RAP1GAP: variants seen among roughly 807,000 people sequenced by gnomAD.
RAP1GAP encodes the protein rap1 GTPase-activating protein 1.
In RAP1GAP, 35 loss-of-function variants were observed where a neutral mutation model predicts 87.2. The observed-to-expected ratio is 0.40, with a 90% CI of 0.31 to 0.53. RAP1GAP has a LOEUF of 0.53. Ranked by LOEUF, RAP1GAP falls within the 20% of genes least tolerant of loss-of-function variation. The pLI is 0.48. For synonymous variants in RAP1GAP, 375 were observed against 363.9 expected, an observed-to-expected ratio of 1.03 and a Z score of -0.35; for missense variants, 734 against 898.9, an observed-to-expected ratio of 0.82 and a Z score of 2.35.
chr1:21,617,301 C>T lies in RAP1GAP; in HGVS notation c.291+5G>A, dbSNP rs1156608722. On this transcript the variant is annotated splice_donor_5th_base_variant and intron_variant, in intron 7 of 24. Transcript: ENST00000374765. ...CCAGCCCCGCTGCACCAGCCGGCCA[C>T]CCACCTTGCCGAGAAAGTGCTTCCG... The T allele has an allele frequency of 6.4e-7, 1 of 1,564,218 alleles. No homozygotes were observed. The highest frequency in any genetic ancestry group is 8.7e-7 in the Non-Finnish European group (1 of 1,153,658).
In RAP1GAP at chr1:21,628,032, G is replaced by A. The variant is rs567330436; in HGVS notation, c.-112-1635C>T. 2.0e-5 allele frequency among the ~76,000 whole-genome samples: 3 copies of A among 152,266 alleles called. No individual in the cohort carries two copies. The East Asian group carries it at 5.8e-4, about 29-fold the overall frequency. ...CATCGCAGAGCCTGGGCAGCTCATG[G>A]GAATTCACTCAATGAAAACTTTCAC... On this transcript the variant is annotated intron_variant, in intron 2 of 24. Coordinates refer to ENST00000374765, the MANE Select transcript of RAP1GAP (RefSeq NM_002885.4).
Position 21,601,741 on chromosome 1 carries a change from G to A in RAP1GAP, c.1595C>T (p.Pro532Leu). 6.2e-7 allele frequency: 1 copy of A among 1,612,114 alleles called. No homozygotes were observed. The highest frequency in any genetic ancestry group is 8.5e-7 in the Non-Finnish European group (1 of 1,178,736). The change falls in exon 20 of 25, where the codon CCC becomes CTC. Residue 532 changes from proline to leucine, a missense_variant. Pro to Leu is a moderately conservative substitution (Grantham distance 98). Around this residue, in one of 2 missense-constraint regions of RAP1GAP, gnomAD observed 249 missense variants for 252.7 expected, o/e 0.99. Coordinates refer to ENST00000374765, the MANE Select transcript of RAP1GAP (RefSeq NM_002885.4). ...TPDSGHVSQE[P>L]KSENSSTQSS... ...CTGAGTGGATGAGTTCTCCGACTTG[G>A]GCTCCTGTGAGACGTGCCCGCTGTC... is the stretch of plus-strand genomic sequence containing the variant.
Position 21,613,311 on chromosome 1 carries a change from G to C in RAP1GAP, c.475-82C>G, listed in dbSNP as rs898322582. On this transcript the variant is annotated intron_variant, in intron 9 of 24. Transcript: ENST00000374765. This position sits in a 1 kb window ranked among gnomAD's most constrained non-coding sequence, Gnocchi z 4.7. The stretch of plus-strand genomic sequence containing the variant: ...GGCTGCCTGGGCCTCCCTGGTCAAG[G>C]TCTGGGGAGGAGCCATGCTGGGAAT... The C allele has an allele frequency of 3.1e-6, 4 of 1,289,784 alleles. No individual in the cohort carries two copies. The highest frequency in any genetic ancestry group is 4.5e-6 in the Non-Finnish European group (4 of 886,820). The allele number at this position is 1,289,784 out of a possible 1,614,324, so 79.9% of individuals were successfully genotyped here. A position where few individuals can be genotyped will look rare whatever the true frequency, so the allele number is the denominator to read the frequency against.
chr1:21,620,198 G>A (rs1355697637), intron 3 of RAP1GAP, 148 bp from the exon 4 acceptor site: 5 of 788,086 alleles, frequency 6.3e-6, no homozygotes, highest in African/African-American at 5.2e-5. Flanking sequence ...CGGGAGCATC[G>A]TGGGAGGGGG....
At chr1:21,608,705 C>G in intron 16 of RAP1GAP, 145 bp downstream of exon 16, 1 of 816,410 alleles carries the variant, frequency 1.2e-6, no homozygotes, top group South Asian at 1.6e-5. Context: ...CCCCGACCTC[C>G]TACTCGTCCA....
In RAP1GAP at chr1:21,634,818, C is replaced by T. The variant is rs2094425289; in HGVS notation, c.-112-8421G>A. On this transcript the variant is annotated intron_variant, in intron 2 of 24. Transcript: ENST00000374765. This position sits in a 1 kb window ranked among gnomAD's most constrained non-coding sequence, Gnocchi z 4.1. The stretch of plus-strand genomic sequence containing the variant: ...TCAGGTGGCCTGAGCCCCACTGTGG[C>T]CAAAACCTGACCCTTCCCACCCCAC... The T allele has an allele frequency of 2.4e-6, 1 of 414,810 alleles. No individual in the cohort carries two copies. The highest frequency in any genetic ancestry group is 1.7e-5 in the South Asian group (1 of 57,554). The allele number at this position is 414,810 out of a possible 1,614,324, so 25.7% of individuals were successfully genotyped here.
At chr1:21,601,861 G>T in intron 19 of RAP1GAP, 64 bp from the exon 20 acceptor site, 3 of 1,168,780 alleles carry the variant, frequency 2.6e-6, no homozygotes, top group Non-Finnish European at 3.6e-6. Context: ...CGTAGCGTGA[G>T]GCCCAGGCGG....
At chr1:21,597,550 G>C in intron 24 of RAP1GAP, 136 bp downstream of exon 24, 3 of 891,760 alleles carry the variant, frequency 3.4e-6, no homozygotes, top group Non-Finnish European at 5.0e-6. Context: ...CCCAGCAACT[G>C]AGGACCAGGG....
At chr1:21,627,997 C>T (rs551323115) in intron 2 of RAP1GAP, among the ~76,000 whole-genome samples, 1 of 152,188 alleles carries the variant, frequency 6.6e-6, no homozygotes, top group Admixed American at 6.5e-5. Context: ...CCTCAGTTTC[C>T]AAAAACATTC....
Position 21,613,189 on chromosome 1 carries a change from A to C in RAP1GAP, c.515T>G (p.Val172Gly). Residue 172 changes from valine (V) to glycine (G), a missense_variant, in exon 10 of 25, where the codon GTG becomes GGG. By Grantham distance (109) the Val-to-Gly change is moderately radical. Coordinates refer to ENST00000374765, the MANE Select transcript of RAP1GAP (RefSeq NM_002885.4). The surrounding 1 kb of genome is among the most constrained non-coding windows in gnomAD (Gnocchi z 4.7). The part of the protein sequence containing the change: ...EDVNVDRFYP[V>G]LYPKASRLIV... Reference sequence around the variant, plus strand: ...ATCCAGCCATACCTTGGGGTAGAGCACAGGATAGAACCGATCCACATTGAC... The same window carrying C: ...ATCCAGCCATACCTTGGGGTAGAGCCCAGGATAGAACCGATCCACATTGAC... 6.4e-7 allele frequency: 1 copy of C among 1,558,126 alleles called. No homozygotes were observed. The highest frequency in any genetic ancestry group is 1.4e-5 in the African/African-American group (1 of 73,726).
chr1:21,625,602 C>G (rs574543312), intron 3 of RAP1GAP, among the ~76,000 whole-genome samples: 1 of 152,326 alleles, frequency 6.6e-6, no homozygotes, highest in African/African-American at 2.4e-5. Context: ...TAGTAGCTAT[C>G]ACATAGTCCA....
rs759763578 is a variant in RAP1GAP at position 21,609,201 on chromosome 1, T to C, written c.1072-265A>G. On this transcript the variant is annotated intron_variant, in intron 15 of 24. Transcript: ENST00000374765. The surrounding 1 kb of genome is among the most constrained non-coding windows in gnomAD (Gnocchi z 4.4). Reference sequence around the variant, plus strand: ...TAGGGTCTGGGTTGGGGTCTCAACCTACTGCTTCAGTCTAGGGTAGCAGAA... The same window carrying C: ...TAGGGTCTGGGTTGGGGTCTCAACCCACTGCTTCAGTCTAGGGTAGCAGAA... 1.3e-5 allele frequency among the ~76,000 whole-genome samples: 2 copies of C among 152,170 alleles called. No individual in the cohort carries two copies. The highest frequency in any genetic ancestry group is 2.9e-5 in the Non-Finnish European group (2 of 68,034).
At chr1:21,658,382 A>C (rs1185865227) in intron 1 of RAP1GAP, among the ~76,000 whole-genome samples, 2 of 151,738 alleles carry the variant, frequency 1.3e-5, no homozygotes, top group African/African-American at 4.8e-5. Flanking sequence ...AGCCTGACCA[A>C]TATGGTGAAA....
intron 14 of RAP1GAP, 24 bp downstream of exon 14, chr1:21,610,096 C>T (rs753451326): frequency 6.2e-7 from 1 of 1,612,040 alleles, no homozygotes; most frequent in Middle Eastern, 1.7e-4. Context: ...GCTGATGCCC[C>T]TGGGAGGCTC....
At chr1:21,637,210 G>A (rs1345768639) in intron 2 of RAP1GAP, among the ~76,000 whole-genome samples, 5 of 149,488 alleles carry the variant, frequency 3.3e-5, no homozygotes, top group Non-Finnish European at 7.4e-5. Context: ...AGGGTGGAGT[G>A]CAGTGGTGAG....
intron 19 of RAP1GAP, among the ~76,000 whole-genome samples, chr1:21,602,246 A>G (rs937535804): frequency 6.6e-6 from 1 of 152,138 alleles, no homozygotes; most frequent in Non-Finnish European, 1.5e-5. Flanking sequence ...GCCCCATGCC[A>G]TGGGTTGTGT....
chr1:21,665,283 G>A (rs1267958099), intron 1 of RAP1GAP: 2 of 516,798 alleles, frequency 3.9e-6, no homozygotes, highest in African/African-American at 1.9e-5. Context: ...ATGGGGGTCC[G>A]AGGGAGGGTG....
At chr1:21,647,906 G>T (rs186673488) in intron 2 of RAP1GAP, among the ~76,000 whole-genome samples, 294 of 152,296 alleles carry the variant, frequency 1.9e-3, no homozygotes, top group Non-Finnish European at 3.6e-3. Flanking sequence ...GATGCTGACT[G>T]GGCCATGTTC....
At chr1:21,612,964 C>T (rs891458247) in intron 10 of RAP1GAP, 10 of 596,372 alleles carry the variant, frequency 1.7e-5, no homozygotes, top group Admixed American at 1.1e-4. Flanking sequence ...GAGGCTTAAA[C>T]GCAGGCCCTC....
Sources: allele counts gnomAD v4.1 joint callset (sites outside exome capture counted in the v4.1 genomes callset), GRCh38; gene constraint gnomAD v4.1.1; regional missense constraint gnomAD v4.1.1; non-coding constraint Gnocchi (gnomAD v3.1); transcripts MANE v1.5; gene names NCBI Gene and HGNC (gene_info 2026-07-23, HGNC 2026-07-21).